Variants in SBF2 observed in about 807,000 individuals in gnomAD.
SBF2 encodes myotubularin-related protein 13.
Under a neutral mutation model 225.2 loss-of-function variants are expected in SBF2, and 112 were observed. That is an observed-to-expected ratio of 0.50 (90% CI 0.43 to 0.58). The LOEUF (loss-of-function observed/expected upper bound fraction) is 0.58. Ranked by LOEUF, SBF2 falls within the 20% of genes least tolerant of loss-of-function variation. The pLI is 0.00. For synonymous variants in SBF2, 763 were observed against 773.3 expected (o/e 0.99, Z 0.22); for missense variants, 1,996 against 2,206.2 (o/e 0.90, Z 1.91).
intron 6 of SBF2, among the ~76,000 whole-genome samples, chr11:10,023,834 C>T: frequency 6.6e-6 from 1 of 152,140 alleles, no homozygotes; most frequent in East Asian, 1.9e-4. Context: ...TATGAACATT[C>T]ACATACAAGT....
intron 1 of SBF2, among the ~76,000 whole-genome samples, chr11:10,232,271 T>A (rs1958888625): frequency 6.6e-6 from 1 of 152,228 alleles, no homozygotes; most frequent in Admixed American, 6.5e-5. Flanking sequence ...AGGGGATGCC[T>A]CGTGCTGCTT....
chr11:10,071,556 G>A (rs1409924409), intron 2 of SBF2, among the ~76,000 whole-genome samples: 11 of 152,150 alleles, frequency 7.2e-5, no homozygotes, highest in Non-Finnish European at 7.3e-5. Context: ...GTGAGCCGCC[G>A]TGCCCGGCCA....
chr11:9,879,515 G>A (rs767292214), intron 17 of SBF2, among the ~76,000 whole-genome samples: 3 of 152,020 alleles, frequency 2.0e-5, no homozygotes, highest in East Asian at 1.9e-4. Context: ...CATCATCATC[G>A]GTTTTGCCAT....
rs1186619267 is a variant in SBF2, at chr11:10,042,971, G to A, written c.152C>T (p.Pro51Leu). The change falls in exon 3 of 40, where the codon CCT (proline) becomes CTT (leucine). Residue 51 changes from proline to leucine, a missense_variant. By Grantham distance (98) the Pro-to-Leu change is moderately conservative. Transcript: ENST00000256190. Reference sequence around the variant, plus strand: ...CTCTCTGGACAGCTGCCACCCGCCAGGCTGACAAAACTAAATGAAATAGAA... The same window carrying A: ...CTCTCTGGACAGCTGCCACCCGCCAAGCTGACAAAACTAAATGAAATAGAA... ...FPQGIELFCQ[P>L]GGWQLSRERK... The A allele has an allele frequency of 6.2e-7, 1 of 1,613,502 alleles. No individual in the cohort carries two copies. The highest frequency in any genetic ancestry group is 8.5e-7 in the Non-Finnish European group (1 of 1,179,822).
At chr11:9,823,655 T>C (rs1854906125) in intron 28 of SBF2, among the ~76,000 whole-genome samples, 1 of 152,234 alleles carries the variant, frequency 6.6e-6, no homozygotes, top group African/African-American at 2.4e-5. Context: ...TACCTAGTCT[T>C]GCCCTGGCCA....
At chr11:9,900,870 G>A (rs1420446360) in intron 16 of SBF2, among the ~76,000 whole-genome samples, 1 of 152,048 alleles carries the variant, frequency 6.6e-6, no homozygotes, top group Non-Finnish European at 1.5e-5. Flanking sequence ...CCAAGTAGTT[G>A]GGACTACAGG....
At chr11:10,005,500 C>G (rs557562975) in intron 6 of SBF2, among the ~76,000 whole-genome samples, 1 of 152,256 alleles carries the variant, frequency 6.6e-6, no homozygotes, top group Admixed American at 6.5e-5. Context: ...TCCAAGTGTA[C>G]TTTACTTCCT....
At chr11:10,097,148 T>C (rs1244441325) in intron 2 of SBF2, among the ~76,000 whole-genome samples, 4 of 152,138 alleles carry the variant, frequency 2.6e-5, no homozygotes, top group African/African-American at 9.7e-5. Flanking sequence ...AAATGGAGCT[T>C]GAGGAAATGA....
At chr11:10,131,039 C>T (rs1954022483) in intron 2 of SBF2, among the ~76,000 whole-genome samples, 2 of 152,044 alleles carry the variant, frequency 1.3e-5, no homozygotes, top group South Asian at 2.1e-4. Flanking sequence ...CTAGGAGAAA[C>T]GCCCAAGAGT....
At chr11:10,047,880 A>C (rs1487410482) in intron 2 of SBF2, among the ~76,000 whole-genome samples, 1 of 152,156 alleles carries the variant, frequency 6.6e-6, no homozygotes, top group Non-Finnish European at 1.5e-5. Context: ...TTATTCTATG[A>C]AGTCTTCTTT....
At chr11:9,795,796 C>T (rs376848586) in intron 33 of SBF2, 35 bp downstream of exon 33, 25 of 1,608,220 alleles carry the variant, frequency 1.6e-5, no homozygotes, top group African/African-American at 4.0e-5. Context: ...GCAGAACTAA[C>T]AAAAAAGATG....
At chr11:9,923,178 A>C (rs1457188562) in intron 16 of SBF2, among the ~76,000 whole-genome samples, 6 of 152,140 alleles carry the variant, frequency 3.9e-5, no homozygotes, top group Non-Finnish European at 5.9e-5. Flanking sequence ...TTAAGGCAGG[A>C]AGCCTGTACT....
intron 16 of SBF2, among the ~76,000 whole-genome samples, chr11:9,905,449 A>G (rs567529076): frequency 6.6e-6 from 1 of 152,308 alleles, no homozygotes; most frequent in South Asian, 2.1e-4. Flanking sequence ...TTGAATAACG[A>G]TTTTCATTTA....
At chr11:9,946,770 C>CT (rs1865587941) in intron 16 of SBF2, among the ~76,000 whole-genome samples, 1 of 152,126 alleles carries the variant, frequency 6.6e-6, no homozygotes, top group South Asian at 2.1e-4. Flanking sequence ...TTAACAAACA[C>CT]TTATATATGT....
At chr11:9,881,182 A>G (rs1859734534) in intron 17 of SBF2, among the ~76,000 whole-genome samples, 1 of 152,366 alleles carries the variant, frequency 6.6e-6, no homozygotes, top group Non-Finnish European at 1.5e-5. Context: ...TAGATAAAAT[A>G]TTTAAATGAA....
intron 2 of SBF2, among the ~76,000 whole-genome samples, chr11:10,150,014 C>T (rs961262827): frequency 6.6e-6 from 1 of 152,056 alleles, no homozygotes; most frequent in Non-Finnish European, 1.5e-5. Flanking sequence ...AGTATCATGG[C>T]CCCACCTAAT....
chr11:10,046,106 G>T (rs1352747690), intron 2 of SBF2, among the ~76,000 whole-genome samples: 1 of 152,134 alleles, frequency 6.6e-6, no homozygotes, highest in Non-Finnish European at 1.5e-5. Context: ...ATATGCATGG[G>T]TTATATGCAC....
chr11:10,291,695 CACAG>C (rs1565443173), intron 1 of SBF2, among the ~76,000 whole-genome samples: 1 of 147,778 alleles, frequency 6.8e-6, no homozygotes, highest in African/African-American at 2.5e-5. Flanking sequence ...CACACACACA[CACAG>C]ACTCCATGTA....
intron 2 of SBF2, among the ~76,000 whole-genome samples, chr11:10,078,480 G>A (rs1951220615): frequency 6.6e-6 from 1 of 152,080 alleles, no homozygotes; most frequent in Non-Finnish European, 1.5e-5. Context: ...TCCTTTGTAG[G>A]GACATGGATG....
Sources: gnomAD v4.1 joint callset for allele counts (sites outside exome capture counted in the v4.1 genomes callset) on GRCh38, gnomAD v4.1.1 for gene constraint, MANE v1.5 for transcripts, NCBI Gene and HGNC (gene_info 2026-07-23, HGNC 2026-07-21) for gene names.